Variants in RAPGEF5 observed in about 807,000 individuals in gnomAD.
The protein encoded by RAPGEF5 is M-Ras-regulated GEF.
Under a neutral mutation model 125.2 loss-of-function variants are expected in RAPGEF5, and 65 were observed. The ratio of observed to expected loss-of-function variants is 0.52; its 90% confidence interval spans 0.43 to 0.64. RAPGEF5 has a LOEUF of 0.64. RAPGEF5 is among the 30% of genes least tolerant of loss of function. The pLI is 0.00. For missense variants in RAPGEF5, 958 were observed against 1,048.1 expected, an observed-to-expected ratio of 0.91 and a Z score of 1.19; for synonymous variants, 391 against 385.9, an observed-to-expected ratio of 1.01 and a Z score of -0.16.
At chr7:22,290,040 A>G (rs1020889385) in intron 6 of RAPGEF5, among the ~76,000 whole-genome samples, 3 of 152,244 alleles carry the variant, frequency 2.0e-5, no homozygotes, top group Admixed American at 2.0e-4. Flanking sequence ...AGTTCTTTAA[A>G]GCAGTGTGAC....
chr7:22,239,191 G>A (rs1328170133), intron 7 of RAPGEF5, among the ~76,000 whole-genome samples: 1 of 152,134 alleles, frequency 6.6e-6, no homozygotes. Context: ...GAGAGTGGAG[G>A]CAGGAGTGGT....
chr7:22,244,245 T>C (rs1038690362), intron 7 of RAPGEF5, among the ~76,000 whole-genome samples: 1 of 152,056 alleles, frequency 6.6e-6, no homozygotes, highest in Non-Finnish European at 1.5e-5. Context: ...TATTCATTCA[T>C]CTGTTGATGG....
At chr7:22,286,540 T>C (rs560914118) in intron 6 of RAPGEF5, among the ~76,000 whole-genome samples, 3 of 152,336 alleles carry the variant, frequency 2.0e-5, no homozygotes, top group African/African-American at 7.2e-5. Flanking sequence ...TTTAAGTAAA[T>C]ATGAGATGGA....
intron 9 of RAPGEF5, among the ~76,000 whole-genome samples, chr7:22,204,676 G>A (rs964104426): frequency 6.6e-6 from 1 of 152,144 alleles, no homozygotes; most frequent in East Asian, 1.9e-4. Flanking sequence ...AGGGAGGCAC[G>A]CCTTTGGTCT....
At chr7:22,170,037 T>C (rs1784302927) in intron 11 of RAPGEF5, among the ~76,000 whole-genome samples, 2 of 151,718 alleles carry the variant, frequency 1.3e-5, no homozygotes, top group Non-Finnish European at 2.9e-5. Context: ...AAGCTGTTTC[T>C]TTTTTGCACT....
intron 11 of RAPGEF5, among the ~76,000 whole-genome samples, chr7:22,188,295 C>A (rs1784883303): frequency 6.6e-6 from 1 of 152,164 alleles, no homozygotes; most frequent in African/African-American, 2.4e-5. Context: ...CTTACGTTGT[C>A]TTCTATCTTT....
chr7:22,252,323 G>A (rs1486950312), intron 7 of RAPGEF5, among the ~76,000 whole-genome samples: 3 of 152,074 alleles, frequency 2.0e-5, no homozygotes, highest in Non-Finnish European at 4.4e-5. Context: ...CCTACAATAG[G>A]AACAAGCTTC....
chr7:22,128,609 A>G (rs1782819548), intron 24 of RAPGEF5, among the ~76,000 whole-genome samples: 1 of 152,234 alleles, frequency 6.6e-6, no homozygotes, highest in African/African-American at 2.4e-5. Flanking sequence ...CTCATTCTCC[A>G]GCATCCAAGT....
chr7:22,125,963 T>C (rs541859019), intron 24 of RAPGEF5, among the ~76,000 whole-genome samples: 351 of 152,098 alleles, frequency 2.3e-3, no homozygotes, highest in Non-Finnish European at 4.2e-3. Context: ...GCCTGGCCAA[T>C]ATGGCGAAAC....
intron 12 of RAPGEF5, among the ~76,000 whole-genome samples, chr7:22,166,056 T>G (rs1281435209): frequency 6.8e-6 from 1 of 147,210 alleles, no homozygotes; most frequent in Non-Finnish European, 1.5e-5. Flanking sequence ...GTATATTATA[T>G]ATATATTATA....
At chr7:22,259,640 A>C (rs192535513) in intron 7 of RAPGEF5, among the ~76,000 whole-genome samples, 1 of 152,342 alleles carries the variant, frequency 6.6e-6, no homozygotes, top group Admixed American at 6.5e-5. Context: ...TCATCCAGAC[A>C]GTGGAATATT....
At chr7:22,330,131 G>A (rs1035811278) in intron 1 of RAPGEF5, among the ~76,000 whole-genome samples, 1 of 152,138 alleles carries the variant, frequency 6.6e-6, no homozygotes, top group Admixed American at 6.5e-5. Context: ...ACGATGACTC[G>A]ACACATAAAG....
chr7:22,129,778 G>A (rs1004382521), intron 24 of RAPGEF5, among the ~76,000 whole-genome samples: 3 of 152,130 alleles, frequency 2.0e-5, no homozygotes, highest in Non-Finnish European at 2.9e-5. Flanking sequence ...GATGGTCTTC[G>A]GTGTGGTTAA....
intron 20 of RAPGEF5, among the ~76,000 whole-genome samples, chr7:22,144,382 G>T (rs1345439666): frequency 6.6e-6 from 1 of 152,228 alleles, no homozygotes; most frequent in Non-Finnish European, 1.5e-5. Flanking sequence ...AGCAGAAGTA[G>T]TACCCCTGCA....
intron 8 of RAPGEF5, among the ~76,000 whole-genome samples, chr7:22,224,638 T>C (rs1785872835): frequency 6.6e-6 from 1 of 152,036 alleles, no homozygotes. Context: ...AGACAGCATG[T>C]GGGGAATGGA....
At chr7:22,332,397 C>T (rs1314462917) in intron 1 of RAPGEF5, among the ~76,000 whole-genome samples, 6 of 152,142 alleles carry the variant, frequency 3.9e-5, no homozygotes, top group Admixed American at 1.3e-4. Flanking sequence ...AATTGTTTCC[C>T]AATGTTTTAT....
intron 1 of RAPGEF5, among the ~76,000 whole-genome samples, chr7:22,350,976 G>A (rs776405301): frequency 6.6e-6 from 1 of 152,148 alleles, no homozygotes; most frequent in South Asian, 2.1e-4. Context: ...CACCCTTCCT[G>A]GCAGATGCAT....
At chr7:22,300,337 T>C (rs1302380502) in intron 5 of RAPGEF5, among the ~76,000 whole-genome samples, 3 of 152,256 alleles carry the variant, frequency 2.0e-5, no homozygotes, top group African/African-American at 7.2e-5. Context: ...TAACAACTTC[T>C]ATCCCTCTAT....
At position 22,145,086 on chromosome 7, in the gene RAPGEF5, T is replaced by C. The variant is rs1364560697; in HGVS notation, c.2144A>G (p.Lys715Arg). The change falls in exon 20 of 26, where the codon AAG becomes AGG. Residue 715 changes from lysine to arginine, a missense_variant. Lys to Arg is a conservative substitution (Grantham distance 26). Transcript: ENST00000665637. ...GAATTTTTTCACCAGCTGCACTCGCTTGCCCAGCTGGCTGCAGAGCAGAAT... is the reference window on the plus strand; with the variant it reads ...GAATTTTTTCACCAGCTGCACTCGCCTGCCCAGCTGGCTGCAGAGCAGAAT... The part of the protein sequence containing the change: ...TEILLCSQLG[K>R]RVQLVKKFIK... The C allele has an allele frequency of 3.1e-6, 5 of 1,613,764 alleles. No homozygotes were observed. The highest frequency in any genetic ancestry group is 2.7e-5 in the African/African-American group (2 of 74,950).
Sources: gnomAD v4.1 joint callset for allele counts (sites outside exome capture counted in the v4.1 genomes callset) on GRCh38, gnomAD v4.1.1 for gene constraint, MANE v1.5 for transcripts, NCBI Gene and HGNC (gene_info 2026-07-23, HGNC 2026-07-21) for gene names.